Variants in TRPM2 observed in about 807,000 individuals in gnomAD.
TRPM2 encodes estrogen-responsive element-associated gene 1 protein.
A neutral mutation model predicts 174.0 loss-of-function variants in TRPM2; 161 were observed. That is an observed-to-expected ratio of 0.93 (90% CI 0.81 to 1.05). The LOEUF (loss-of-function observed/expected upper bound fraction) is 1.05, where lower values mean the gene tolerates loss of function less well. Among genes scored for constraint, TRPM2 ranks in the 50% least tolerant of loss-of-function variants. TRPM2 has a pLI of 0.00. For missense variants in TRPM2, 2,057 were observed against 2,038.0 expected (o/e 1.01, Z -0.18); for synonymous variants, 954 against 861.3 (o/e 1.11, Z -1.88).
At chr21:44,375,190 G>A (rs776514820) in intron 5 of TRPM2, among the ~76,000 whole-genome samples, 15 of 152,138 alleles carry the variant, frequency 9.9e-5, no homozygotes, top group Non-Finnish European at 1.6e-4. Context: ...GATTCCAGGC[G>A]TGAGCCACCG....
chr21:44,422,212 G>T lies in TRPM2; in HGVS notation c.3462-1433G>T, dbSNP rs995315171. ...CACCTGGGAGGCGCATGAGTGTGGG[G>T]TGCCATAACCTTGCAGCACTGAGGT... On this transcript the variant is annotated intron_variant, in intron 22 of 31. Coordinates refer to ENST00000397928, the MANE Select transcript of TRPM2 (RefSeq NM_003307.4). 7.9e-6 allele frequency: 12 copies of T among 1,516,622 alleles called. No homozygotes were observed. The African/African-American group carries it at 1.5e-4, about 19-fold the overall frequency. The allele number at this position is 1,516,622 out of a possible 1,614,324, so 93.9% of individuals were successfully genotyped here.
chr21:44,369,245 T>G lies in TRPM2; in HGVS notation c.673T>G (p.Phe225Val). The change falls in exon 5 of 32, where the codon TTC becomes GTC. Residue 225 changes from phenylalanine (F) to valine (V), a missense_variant. By Grantham distance (50) the Phe-to-Val change is conservative. Coordinates refer to ENST00000397928, the MANE Select transcript of TRPM2 (RefSeq NM_003307.4). The part of the protein sequence containing the change: ...MKQVGEAVRD[F>V]SLSSSYKEGE... The stretch of plus-strand genomic sequence containing the variant: ...GCAGGTAGGCGAGGCGGTGCGGGAC[T>G]TCAGCCTGAGCAGCAGCTACAAGGA... The G allele has an allele frequency of 6.2e-7, 1 of 1,613,744 alleles. No homozygotes were observed. The highest frequency in any genetic ancestry group is 8.5e-7 in the Non-Finnish European group (1 of 1,179,918).
At position 44,438,011 on chromosome 21, in the gene TRPM2, C is replaced by T. The variant is rs1046182632; in HGVS notation, c.4167+844C>T. 2.0e-5 allele frequency among the ~76,000 whole-genome samples: 3 copies of T among 152,276 alleles called. No homozygotes were observed. The highest frequency in any genetic ancestry group is 2.9e-5 in the Non-Finnish European group (2 of 68,044). On this transcript the variant is annotated intron_variant, in intron 29 of 31. Transcript: ENST00000397928. The surrounding 1 kb of genome is among the most constrained non-coding windows in gnomAD (Gnocchi z 5.9). The stretch of plus-strand genomic sequence containing the variant: ...TTGCATTTCTCTGACCCCGAGCTCA[C>T]GGCCTGGTGGCTGCCTCTGCTGCTG...
At chr21:44,362,348 CAA>C (rs57031573) in intron 2 of TRPM2, among the ~76,000 whole-genome samples, 70 of 89,224 alleles carry the variant, frequency 7.8e-4, no homozygotes, top group Middle Eastern at 5.6e-3. Context: ...ACTAAAAATA[CAA>C]AAAAAAAAAA....
chr21:44,400,421 G>A, intron 15 of TRPM2, 50 bp downstream of exon 15: 1 of 1,524,146 alleles, frequency 6.6e-7, no homozygotes, highest in South Asian at 1.1e-5. Flanking sequence ...GGGGCTGCGG[G>A]AGAGGCTCCT....
At chr21:44,370,251 C>T (rs1034742215) in intron 5 of TRPM2, among the ~76,000 whole-genome samples, 1 of 152,264 alleles carries the variant, frequency 6.6e-6, no homozygotes, top group Admixed American at 6.5e-5. Flanking sequence ...CGACCCCGAA[C>T]CGGAGCTTTT....
chr21:44,430,950 T>G (rs907898652), intron 27 of TRPM2, among the ~76,000 whole-genome samples: 1 of 141,080 alleles, frequency 7.1e-6, no homozygotes, highest in Non-Finnish European at 1.6e-5. Flanking sequence ...TGATATTTAT[T>G]ATGTATTTCT....
intron 22 of TRPM2, among the ~76,000 whole-genome samples, chr21:44,420,380 G>T (rs2050507070): frequency 6.6e-6 from 1 of 152,194 alleles, no homozygotes; most frequent in Admixed American, 6.5e-5. Context: ...AGTCCCACAT[G>T]TTCCCCATAG....
At chr21:44,390,236 C>T (rs1234723843) in intron 9 of TRPM2, among the ~76,000 whole-genome samples, 1 of 152,060 alleles carries the variant, frequency 6.6e-6, no homozygotes, top group Non-Finnish European at 1.5e-5. Context: ...TCTGCCCATC[C>T]CAAGGTTGCA....
chr21:44,414,160 G>A (rs541102164), intron 20 of TRPM2, 86 bp downstream of exon 20: 74 of 1,489,548 alleles, frequency 5.0e-5, no homozygotes, highest in South Asian at 2.6e-4. Flanking sequence ...CCAGGGTCTC[G>A]TGGACAGTGT....
In TRPM2 at chr21:44,382,770, AG is replaced by A. The variant is rs748476059; in HGVS notation, c.1270del (p.Asp424MetfsTer15). Reference sequence around the variant, plus strand: ...CTGCTGACTGTCTTCCGGGAAGGCAAGGATGGTCAGCAGGACGTGGATGTGG... The same window carrying A: ...CTGCTGACTGTCTTCCGGGAAGGCAAGATGGTCAGCAGGACGTGGATGTGG... ...RQLLTVFREG[K>X]DGQQDVDVAI... is the part of the protein sequence containing the mutation. On this transcript the variant is annotated frameshift_variant, in exon 9 of 32. Transcript: ENST00000397928. LOFTEE classifies it high-confidence loss of function. The A allele has an allele frequency of 6.2e-7, 1 of 1,614,086 alleles. No homozygotes were observed. Among genetic ancestry groups the A allele is most frequent in the Non-Finnish European group, 8.5e-7 (1 of 1,180,006 alleles).
chr21:44,408,631 A>G (rs937344674), intron 19 of TRPM2, among the ~76,000 whole-genome samples: 2 of 150,258 alleles, frequency 1.3e-5, no homozygotes, highest in African/African-American at 4.9e-5. Flanking sequence ...TCTTTCAAGA[A>G]ATGTCTCTCC....
intron 2 of TRPM2, among the ~76,000 whole-genome samples, chr21:44,363,464 G>A (rs1425738985): frequency 6.6e-6 from 1 of 150,724 alleles, no homozygotes. Flanking sequence ...CCTGCTGTTA[G>A]GTCCATCCTT....
At chr21:44,404,170 CACATGCACACACAAAA>C (rs1251579995) in intron 16 of TRPM2, among the ~76,000 whole-genome samples, 2 of 151,982 alleles carry the variant, frequency 1.3e-5, no homozygotes, top group Non-Finnish European at 2.9e-5. Context: ...CACATATATA[CACATGCACACACAAAA>C]ACATGCAAAT....
At chr21:44,357,253 C>T (rs1602115461) in intron 2 of TRPM2, among the ~76,000 whole-genome samples, 1 of 152,198 alleles carries the variant, frequency 6.6e-6, no homozygotes, top group East Asian at 1.9e-4. Context: ...GGGTCTGGGG[C>T]CTCTGCCAGT....
chr21:44,403,654 C>CAT lies in TRPM2; in HGVS notation c.2539-1487_2539-1486insTA, dbSNP rs1491570517. ...ATATGTATACACACATGCACACATG[C>CAT]ACACACATGCATACACACATGCATA... is the stretch of plus-strand genomic sequence containing the variant. On this transcript the variant is annotated intron_variant, in intron 16 of 31. Transcript: ENST00000397928. Among the ~76,000 whole-genome samples the CAT allele has an allele frequency of 2.7e-4, 41 of 150,770 alleles. No individual in the cohort carries two copies. The East Asian group carries it at 6.7e-3, about 25-fold the overall frequency.
At chr21:44,373,392 G>A (rs1056479767) in intron 5 of TRPM2, among the ~76,000 whole-genome samples, 1 of 152,044 alleles carries the variant, frequency 6.6e-6, no homozygotes, top group African/African-American at 2.4e-5. Flanking sequence ...TCTCCATGTT[G>A]GCCAGGCTGG....
Position 44,442,077 on chromosome 21 carries a change from C to A in TRPM2, c.*260C>A. Reference sequence around the variant, plus strand: ...GCTGAGGGGCCCCTGGGACCCTTGGCCATCAGGCGAGGGGCTGGGCCTGTG... The same window carrying A: ...GCTGAGGGGCCCCTGGGACCCTTGGACATCAGGCGAGGGGCTGGGCCTGTG... On this transcript the variant is annotated 3_prime_UTR_variant, in exon 32 of 32. Transcript: ENST00000397928. 2.5e-6 allele frequency: 1 copy of A among 401,740 alleles called. No individual in the cohort carries two copies. 24.9% of individuals were successfully genotyped at this position (401,740 alleles called of 1,614,324 possible).
intron 19 of TRPM2, among the ~76,000 whole-genome samples, chr21:44,407,977 C>A (rs572762739): frequency 2.7e-5 from 4 of 150,480 alleles, no homozygotes; most frequent in Non-Finnish European, 5.9e-5. Flanking sequence ...TTCTTTTTCC[C>A]GAGAGGGAGT....
Sources: allele counts gnomAD v4.1 joint callset (sites outside exome capture counted in the v4.1 genomes callset), GRCh38; gene constraint gnomAD v4.1.1; non-coding constraint Gnocchi (gnomAD v3.1); transcripts MANE v1.5; gene names NCBI Gene and HGNC (gene_info 2026-07-23, HGNC 2026-07-21).